FGD6: variants seen among roughly 807,000 people sequenced by gnomAD.
FGD6 encodes FYVE, RhoGEF and PH domain containing 6, also known as FYVE, RhoGEF and PH domain-containing protein 6.
Under a neutral mutation model 149.4 loss-of-function variants are expected in FGD6, and 90 were observed. The observed-to-expected ratio is 0.60, with a 90% confidence interval of 0.51 to 0.72. The LOEUF (loss-of-function observed/expected upper bound fraction) is 0.72, where lower values mean the gene tolerates loss of function less well. Ranked by LOEUF, FGD6 falls within the 30% of genes least tolerant of loss-of-function variation. The pLI is 0.00. For missense variants in FGD6, 1,437 were observed against 1,684.8 expected (o/e 0.85, Z 2.57); for synonymous variants, 527 against 584.0 (o/e 0.90, Z 1.41).
At chr12:95,182,420 C>T (rs955116515) in intron 2 of FGD6, among the ~76,000 whole-genome samples, 11 of 152,050 alleles carry the variant, frequency 7.2e-5, no homozygotes, top group Non-Finnish European at 1.2e-4. Flanking sequence ...AGGCTGGTGT[C>T]GGACTCCTGA....
chr12:95,159,759 G>A (rs1339781818), intron 3 of FGD6, among the ~76,000 whole-genome samples: 1 of 152,146 alleles, frequency 6.6e-6, no homozygotes, highest in Admixed American at 6.5e-5. Context: ...ACTGAACCCA[G>A]GAGGTTGAGG....
At chr12:95,103,602 T>G (rs770281664) in intron 14 of FGD6, among the ~76,000 whole-genome samples, 22 of 152,176 alleles carry the variant, frequency 1.4e-4, no homozygotes, top group Non-Finnish European at 2.6e-4. Flanking sequence ...TGGAGTGATC[T>G]CGGTTCACTG....
chr12:95,118,247 A>T (rs1879079644), intron 8 of FGD6, among the ~76,000 whole-genome samples: 2 of 151,874 alleles, frequency 1.3e-5, no homozygotes, highest in African/African-American at 4.8e-5. Context: ...GCTACTCAGG[A>T]GACTGAGGCA....
intron 8 of FGD6, chr12:95,126,480 G>C: frequency 3.0e-6 from 2 of 658,892 alleles, no homozygotes; most frequent in Non-Finnish European, 4.9e-6. Context: ...TGTAATCCCA[G>C]TACCGTGGGA....
chr12:95,120,632 A>G (rs931434801), intron 8 of FGD6, among the ~76,000 whole-genome samples: 9 of 152,120 alleles, frequency 5.9e-5, no homozygotes, highest in Non-Finnish European at 1.0e-4. Context: ...GGTTGCAGTG[A>G]GCCGAGATCG....
intron 20 of FGD6, among the ~76,000 whole-genome samples, chr12:95,082,258 C>G (rs756560702): frequency 2.0e-5 from 3 of 152,210 alleles, no homozygotes; most frequent in Non-Finnish European, 4.4e-5. Flanking sequence ...TACCTTAACT[C>G]TAGCTATCAG....
intron 14 of FGD6, among the ~76,000 whole-genome samples, chr12:95,096,251 G>A (rs1400778602): frequency 1.3e-5 from 2 of 151,916 alleles, no homozygotes; most frequent in African/African-American, 4.8e-5. Flanking sequence ...ATATGTTGCT[G>A]TATTTTAGAG....
intron 16 of FGD6, among the ~76,000 whole-genome samples, chr12:95,092,299 G>C (rs980185663): frequency 1.3e-5 from 2 of 152,166 alleles, no homozygotes; most frequent in Non-Finnish European, 2.9e-5. Context: ...ATGAGATCAT[G>C]AAGGCTTAGA....
intron 3 of FGD6, 28 bp downstream of exon 3, chr12:95,172,572 C>A (rs1448318101): frequency 6.5e-7 from 1 of 1,543,802 alleles, no homozygotes; most frequent in South Asian, 1.3e-5. Flanking sequence ...AGGGAGAGGT[C>A]AAGAAGCAAT....
chr12:95,112,445 C>CA (rs1565899021), intron 9 of FGD6, among the ~76,000 whole-genome samples: 1 of 151,468 alleles, frequency 6.6e-6, no homozygotes, highest in Non-Finnish European at 1.5e-5. Flanking sequence ...ACTAAAAATA[C>CA]AAAAATCAGC....
At chr12:95,198,470 C>T (rs1056374681) in intron 2 of FGD6, among the ~76,000 whole-genome samples, 2 of 152,112 alleles carry the variant, frequency 1.3e-5, no homozygotes, top group African/African-American at 4.8e-5. Context: ...ACAAGAGTCT[C>T]GCTCTGTCAC....
At chr12:95,155,212 T>C (rs1880429812) in intron 3 of FGD6, among the ~76,000 whole-genome samples, 1 of 152,206 alleles carries the variant, frequency 6.6e-6, no homozygotes, top group African/African-American at 2.4e-5. Context: ...TTTTATAGTA[T>C]GTTAAAATTT....
chr12:95,123,565 A>ATT (rs34064127), intron 8 of FGD6, among the ~76,000 whole-genome samples: 1 of 144,852 alleles, frequency 6.9e-6, no homozygotes, highest in Non-Finnish European at 1.5e-5. Context: ...GTCAATATAC[A>ATT]TTTTTTTTTT....
chr12:95,214,863 T>TTC (rs2056746117), intron 1 of FGD6, among the ~76,000 whole-genome samples: 5 of 121,900 alleles, frequency 4.1e-5, no homozygotes, highest in Admixed American at 3.9e-4. Flanking sequence ...CCTTTTTTCT[T>TTC]TTTTTTTTTT....
chr12:95,107,086 C>A, intron 12 of FGD6, 49 bp from the exon 13 acceptor site: 4 of 1,331,448 alleles, frequency 3.0e-6, no homozygotes, highest in African/African-American at 1.5e-5. Flanking sequence ...CACATTACTG[C>A]CACAAAGATT....
At chr12:95,208,789 G>T in intron 2 of FGD6, 54 bp downstream of exon 2, 1 of 1,549,798 alleles carries the variant, frequency 6.5e-7, no homozygotes, top group Non-Finnish European at 8.7e-7. Context: ...TCACCAGGCT[G>T]TTGAAGGTTA....
intron 2 of FGD6, chr12:95,189,136 C>T (rs1881521772): frequency 6.6e-6 from 1 of 152,172 alleles, no homozygotes; most frequent in Non-Finnish European, 1.5e-5. Context: ...TATACACCCC[C>T]ACACCCGTGT....
At chr12:95,153,950 T>TGTGA (rs796248785) in intron 3 of FGD6, among the ~76,000 whole-genome samples, 3,777 of 141,134 alleles carry the variant, frequency 0.027, 52 homozygotes, top group East Asian at 0.044. Context: ...TGTGTGTGAG[T>TGTGA]GAGAGAGAGA....
At chr12:95,147,605 T>G (rs1718081868) in intron 5 of FGD6, among the ~76,000 whole-genome samples, 1 of 152,122 alleles carries the variant, frequency 6.6e-6, no homozygotes, top group Admixed American at 6.6e-5. Context: ...TGGTAGAGAT[T>G]TCAAGTAATA....
Sources: gnomAD v4.1 joint callset for allele counts (sites outside exome capture counted in the v4.1 genomes callset) on GRCh38, gnomAD v4.1.1 for gene constraint, MANE v1.5 for transcripts, NCBI Gene and HGNC (gene_info 2026-07-23, HGNC 2026-07-21) for gene names.